Variants in CFAP299 observed in about 807,000 individuals in gnomAD.
The protein encoded by CFAP299 is cilia and flagella associated protein 299, also known as cilia- and flagella-associated protein 299.
A neutral mutation model predicts 27.0 loss-of-function variants in CFAP299; 21 were observed. The ratio of observed to expected loss-of-function variants is 0.78; its 90% CI spans 0.55 to 1.12. The LOEUF is 1.12. Among genes scored for constraint, CFAP299 ranks in the 50% most tolerant of loss-of-function variants. The probability of loss-of-function intolerance (pLI) is 0.00; values close to 1 mark genes in which losing one functional copy is unlikely to be tolerated. For missense variants in CFAP299, 310 were observed against 276.6 expected (o/e 1.12, Z -0.86); for synonymous variants, 104 against 98.1 (o/e 1.06, Z -0.36).
intron 5 of CFAP299, among the ~76,000 whole-genome samples, chr4:80,959,567 T>G (rs1294269735): frequency 6.6e-6 from 1 of 152,100 alleles, no homozygotes; most frequent in African/African-American, 2.4e-5. Flanking sequence ...ATATTTTTGT[T>G]AATAACATTA....
intron 3 of CFAP299, among the ~76,000 whole-genome samples, chr4:80,717,170 A>G (rs1235263103): frequency 6.6e-6 from 1 of 152,088 alleles, no homozygotes; most frequent in African/African-American, 2.4e-5. Flanking sequence ...CACAATAACT[A>G]TGAAAAAAAT....
chr4:80,891,830 G>GAAAAAA lies in CFAP299; in HGVS notation c.476+21709_476+21714dup, dbSNP rs35425830. Among the ~76,000 whole-genome samples the GAAAAAA allele has an allele frequency of 9.6e-4, 52 of 53,982 alleles. 1 individual carries two copies. Among genetic ancestry groups the GAAAAAA allele is most frequent in the African/African-American group, 2.8e-3 (43 of 15,430 alleles). 35.4% of individuals were successfully genotyped at this position (53,982 alleles called of 152,430 possible). The stretch of plus-strand genomic sequence containing the variant: ...AGCTTTGAGAAGCCCTAGATTAAAG[G>GAAAAAA]AAAAAAAAAAAAAAAAAAAGAAATT... On this transcript the variant is annotated intron_variant, in intron 4 of 5. Transcript: ENST00000358105.
chr4:80,949,450 G>A lies in CFAP299; in HGVS notation c.606+4511G>A, dbSNP rs185408447. On this transcript the variant is annotated intron_variant, in intron 5 of 5. Transcript: ENST00000358105. ...GAGATAATGTTAAGTGATAATGGAGGAAGTAAACTTTTAGTGGGGACTTAA... is the reference window on the plus strand; with the variant it reads ...GAGATAATGTTAAGTGATAATGGAGAAAGTAAACTTTTAGTGGGGACTTAA... Among the ~76,000 whole-genome samples, 229 of 151,806 alleles carry A rather than the reference G, an allele frequency of 1.5e-3. 1 individual carries two copies. The highest frequency in any genetic ancestry group is 5.3e-3 in the African/African-American group (220 of 41,398).
intron 3 of CFAP299, among the ~76,000 whole-genome samples, chr4:80,756,780 G>GA (rs1039165035): frequency 1.1e-4 from 16 of 151,986 alleles, no homozygotes; most frequent in Admixed American, 9.2e-4. Flanking sequence ...TCCATTTACA[G>GA]AAAAAAATGT....
intron 4 of CFAP299, among the ~76,000 whole-genome samples, chr4:80,908,169 G>C (rs10006824): frequency 5.5e-4 from 84 of 152,256 alleles, no homozygotes; most frequent in African/African-American, 1.9e-3. Context: ...ATATCCCAAT[G>C]GTCCAAAACA....
At chr4:80,931,565 C>G (rs565896913) in intron 4 of CFAP299, among the ~76,000 whole-genome samples, 1 of 152,276 alleles carries the variant, frequency 6.6e-6, no homozygotes, top group South Asian at 2.1e-4. Flanking sequence ...CAAGCAATTA[C>G]TCCTACAAGA....
chr4:80,335,701 T>G, upstream of CFAP299: 1 of 895,368 alleles, frequency 1.1e-6, no homozygotes, highest in Non-Finnish European at 1.9e-6. Context: ...AGGAACGAAG[T>G]GGGTGGAGCC....
At chr4:80,484,204 T>C (rs1329223269) in intron 2 of CFAP299, among the ~76,000 whole-genome samples, 2 of 152,110 alleles carry the variant, frequency 1.3e-5, no homozygotes, top group African/African-American at 4.8e-5. Context: ...GATTAACCAA[T>C]AGTATATTGT....
intron 4 of CFAP299, among the ~76,000 whole-genome samples, chr4:80,917,222 C>A (rs1055937086): frequency 6.6e-6 from 1 of 152,064 alleles, no homozygotes; most frequent in East Asian, 1.9e-4. Flanking sequence ...ATCCAAACAG[C>A]AATATCTTGG....
chr4:80,782,520 A>G lies in CFAP299; in HGVS notation c.334-87473A>G, dbSNP rs11944279. On this transcript the variant is annotated intron_variant, in intron 3 of 5. Transcript: ENST00000358105. ...AATATATATTAATATATAACATATT[A>G]ATATATAATATACATATATGAATAT... is the stretch of plus-strand genomic sequence containing the variant. 2.2e-4 allele frequency among the ~76,000 whole-genome samples: 32 copies of G among 146,022 alleles called. No individual in the cohort carries two copies. In the Middle Eastern group the frequency reaches 0.011, roughly 49 times the overall value.
intron 2 of CFAP299, among the ~76,000 whole-genome samples, chr4:80,421,930 A>G (rs1215394891): frequency 6.6e-6 from 1 of 152,200 alleles, no homozygotes; most frequent in Non-Finnish European, 1.5e-5. Flanking sequence ...AGAGGTTAAT[A>G]TGGTCGTCAG....
chr4:80,899,520 A>T (rs1734780017), intron 4 of CFAP299, among the ~76,000 whole-genome samples: 1 of 152,170 alleles, frequency 6.6e-6, no homozygotes, highest in African/African-American at 2.4e-5. Flanking sequence ...TCAAGAGAAA[A>T]AAAGTCTTTC....
chr4:80,387,699 T>C lies in CFAP299; in HGVS notation c.242+24815T>C, dbSNP rs2110028647. On this transcript the variant is annotated intron_variant, in intron 2 of 5. Coordinates refer to ENST00000358105, the MANE Select transcript of CFAP299 (RefSeq NM_152770.3). ...ACTTCTGGGCAAAGGCATGGCCACATGCAATGCATTGGAAGGGCTTCTCAC... is the reference window on the plus strand; with the variant it reads ...ACTTCTGGGCAAAGGCATGGCCACACGCAATGCATTGGAAGGGCTTCTCAC... 8.2e-6 allele frequency: 13 copies of C among 1,578,074 alleles called. No homozygotes were observed. In the South Asian group the frequency reaches 1.4e-4, roughly 17 times the overall value.
intron 4 of CFAP299, among the ~76,000 whole-genome samples, chr4:80,932,100 GA>G (rs1736655119): frequency 6.6e-6 from 1 of 152,096 alleles, no homozygotes; most frequent in Non-Finnish European, 1.5e-5. Context: ...AATATAGACT[GA>G]ATGCCCATTC....
At chr4:80,886,663 G>T (rs1733987700) in intron 4 of CFAP299, among the ~76,000 whole-genome samples, 1 of 152,048 alleles carries the variant, frequency 6.6e-6, no homozygotes, top group Admixed American at 6.6e-5. Context: ...ACTCATCAAT[G>T]CCAAGGCACT....
At chr4:80,579,516 C>T (rs1281000050) in intron 2 of CFAP299, among the ~76,000 whole-genome samples, 2 of 152,092 alleles carry the variant, frequency 1.3e-5, no homozygotes, top group African/African-American at 2.4e-5. Context: ...TCTTGTCCAG[C>T]CCAGATATCT....
rs557304203 is a variant in CFAP299 at position 80,777,590 on chromosome 4, G to A, written c.334-92403G>A. Among the ~76,000 whole-genome samples, 13 of 152,162 alleles carry A rather than the reference G, an allele frequency of 8.5e-5. No homozygotes were observed. The South Asian group carries it at 1.5e-3, about 17-fold the overall frequency. On this transcript the variant is annotated intron_variant, in intron 3 of 5. Transcript: ENST00000358105. The stretch of plus-strand genomic sequence containing the variant: ...CTTCTTACTTCTACGCTCTTGGACC[G>A]TTTAGTCAAGATCTTAAAGGAGGAG...
chr4:80,459,000 A>G (rs1729308396), intron 2 of CFAP299, among the ~76,000 whole-genome samples: 1 of 151,808 alleles, frequency 6.6e-6, no homozygotes, highest in African/African-American at 2.4e-5. Flanking sequence ...TATCTTTTAG[A>G]GAAAGGGTCT....
intron 2 of CFAP299, among the ~76,000 whole-genome samples, chr4:80,378,080 A>G (rs1486838384): frequency 6.6e-6 from 1 of 152,194 alleles, no homozygotes; most frequent in Admixed American, 6.5e-5. Flanking sequence ...GAATTCTGGG[A>G]GATACAATTA....
Sources: allele counts gnomAD v4.1 joint callset (sites outside exome capture counted in the v4.1 genomes callset), GRCh38; gene constraint gnomAD v4.1.1; transcripts MANE v1.5; gene names NCBI Gene and HGNC (gene_info 2026-07-23, HGNC 2026-07-21).